KCNQ3: variants seen among roughly 807,000 people sequenced by gnomAD.
KCNQ3 encodes potassium voltage-gated channel subfamily Q member 3.
In KCNQ3, 30 loss-of-function variants were observed where a neutral mutation model predicts 92.5. That is an observed-to-expected ratio of 0.32 (90% CI 0.24 to 0.44). KCNQ3 has a LOEUF of 0.44. Ranked by LOEUF, KCNQ3 falls within the 20% of genes least tolerant of loss-of-function variation. KCNQ3 has a pLI of 1.00. For synonymous variants in KCNQ3, 450 were observed against 468.8 expected (o/e 0.96, Z 0.52); for missense variants, 913 against 1,140.3 (o/e 0.80, Z 2.87).
chr8:132,162,141 C>G (rs1199097055), intron 9 of KCNQ3, among the ~76,000 whole-genome samples: 2 of 152,180 alleles, frequency 1.3e-5, no homozygotes, highest in Non-Finnish European at 2.9e-5. Context: ...AGCCCCTTTT[C>G]TAGGGAGGCA....
At chr8:132,363,693 C>T (rs1428665535) in intron 1 of KCNQ3, among the ~76,000 whole-genome samples, 1 of 151,810 alleles carries the variant, frequency 6.6e-6, no homozygotes, top group Non-Finnish European at 1.5e-5. Flanking sequence ...ACAGACTTAG[C>T]CTAGGGCCTG....
intron 1 of KCNQ3, among the ~76,000 whole-genome samples, chr8:132,368,851 A>G (rs571975933): frequency 6.6e-6 from 1 of 152,204 alleles, no homozygotes; most frequent in African/African-American, 2.4e-5. Flanking sequence ...ACCATGGTAC[A>G]TTTGCACAGC....
At chr8:132,183,327 T>A (rs1285252174) in intron 3 of KCNQ3, among the ~76,000 whole-genome samples, 2 of 151,312 alleles carry the variant, frequency 1.3e-5, no homozygotes, top group Non-Finnish European at 2.9e-5. Context: ...GTCAGAGGAG[T>A]TAAAATGAGA....
intron 1 of KCNQ3, among the ~76,000 whole-genome samples, chr8:132,296,959 C>T (rs1173501493): frequency 4.6e-5 from 7 of 152,034 alleles, no homozygotes; most frequent in Non-Finnish European, 8.8e-5. Context: ...ACTGAGGAAT[C>T]GCCACACTGA....
chr8:132,460,099 C>T (rs1822029266), intron 1 of KCNQ3, among the ~76,000 whole-genome samples: 1 of 151,964 alleles, frequency 6.6e-6, no homozygotes, highest in Non-Finnish European at 1.5e-5. Context: ...TATAAGATGC[C>T]CTTGGCTCAC....
At chr8:132,331,717 A>G (rs933306927) in intron 1 of KCNQ3, among the ~76,000 whole-genome samples, 3 of 152,274 alleles carry the variant, frequency 2.0e-5, no homozygotes, top group African/African-American at 7.2e-5. Context: ...GTATAATGGG[A>G]TATAAATAAG....
chr8:132,333,240 G>A (rs1410421865), intron 1 of KCNQ3, among the ~76,000 whole-genome samples: 1 of 152,146 alleles, frequency 6.6e-6, no homozygotes, highest in African/African-American at 2.4e-5. Flanking sequence ...ACCCCTCTAA[G>A]TCCTGCAGGT....
intron 1 of KCNQ3, among the ~76,000 whole-genome samples, chr8:132,381,029 G>C (rs1369422788): frequency 1.3e-5 from 2 of 151,678 alleles, no homozygotes; most frequent in Non-Finnish European, 2.9e-5. Flanking sequence ...AGAGCAAAGG[G>C]AAAATGGGCA....
intron 1 of KCNQ3, among the ~76,000 whole-genome samples, chr8:132,400,113 A>T (rs1820295965): frequency 6.6e-6 from 1 of 152,206 alleles, no homozygotes; most frequent in Non-Finnish European, 1.5e-5. Flanking sequence ...TCAGGTGAAG[A>T]GCTGCATGTT....
chr8:132,384,187 A>G (rs1819833606), intron 1 of KCNQ3, among the ~76,000 whole-genome samples: 1 of 151,844 alleles, frequency 6.6e-6, no homozygotes, highest in South Asian at 2.1e-4. Context: ...TCACCCCACA[A>G]CACTGCATTT....
intron 1 of KCNQ3, among the ~76,000 whole-genome samples, chr8:132,309,989 A>G (rs142896263): frequency 7.5e-4 from 114 of 152,324 alleles, no homozygotes; most frequent in Non-Finnish European, 1.4e-3. Context: ...TTCCACTTCA[A>G]TCCAATTACA....
At chr8:132,335,686 A>G (rs958555557) in intron 1 of KCNQ3, among the ~76,000 whole-genome samples, 14 of 152,282 alleles carry the variant, frequency 9.2e-5, no homozygotes, top group African/African-American at 3.1e-4. Context: ...AATCAGAGAA[A>G]CCATTCAAGA....
chr8:132,166,277 A>G (rs975334099), intron 8 of KCNQ3, among the ~76,000 whole-genome samples: 1 of 152,216 alleles, frequency 6.6e-6, no homozygotes, highest in Non-Finnish European at 1.5e-5. Flanking sequence ...CGGTGCAGCT[A>G]TAGAAAATGA....
chr8:132,381,220 C>T (rs1303355510), intron 1 of KCNQ3, among the ~76,000 whole-genome samples: 5 of 152,140 alleles, frequency 3.3e-5, no homozygotes, highest in Admixed American at 6.5e-5. Flanking sequence ...AGCTGAATAG[C>T]GGCAGTGTTA....
chr8:132,183,702 C>T (rs1826866343), intron 3 of KCNQ3, among the ~76,000 whole-genome samples: 1 of 152,196 alleles, frequency 6.6e-6, no homozygotes, highest in Admixed American at 6.5e-5. Flanking sequence ...GATTAAGAAG[C>T]AAGACCACAC....
In KCNQ3 at chr8:132,357,007, T is replaced by TAACAACAACAACAAC. The variant is rs111426424; in HGVS notation, c.386+123125_386+123139dup. 3.2e-3 allele frequency among the ~76,000 whole-genome samples: 480 copies of TAACAACAACAACAAC among 150,446 alleles called. 2 individuals are homozygous for TAACAACAACAACAAC. Among genetic ancestry groups the TAACAACAACAACAAC allele is most frequent in the African/African-American group, 0.01 (410 of 40,740 alleles). ...TATAGTAAATCTAAAACTATTTTAT[T>TAACAACAACAACAAC]AACAACAACAACAACAACAACAACA... is the stretch of plus-strand genomic sequence containing the variant. On this transcript the variant is annotated intron_variant, in intron 1 of 14. Transcript: ENST00000388996.
chr8:132,297,795 G>A (rs978016859), intron 1 of KCNQ3, among the ~76,000 whole-genome samples: 1 of 117,304 alleles, frequency 8.5e-6, no homozygotes, highest in Non-Finnish European at 1.9e-5. Flanking sequence ...CAGACTCCCC[G>A]GCTCCTAAAG....
chr8:132,354,712 C>T (rs1203155438), intron 1 of KCNQ3, among the ~76,000 whole-genome samples: 2 of 152,240 alleles, frequency 1.3e-5, no homozygotes, highest in Admixed American at 6.5e-5. Context: ...CGTGAGATGA[C>T]AGCTTGGTCT....
At chr8:132,457,670 C>T (rs147856016) in intron 1 of KCNQ3, among the ~76,000 whole-genome samples, 2 of 152,304 alleles carry the variant, frequency 1.3e-5, no homozygotes, top group Non-Finnish European at 2.9e-5. Flanking sequence ...TCCCAGCAGT[C>T]CATCTGTATT....
Sources: allele counts gnomAD v4.1 joint callset (sites outside exome capture counted in the v4.1 genomes callset), GRCh38; gene constraint gnomAD v4.1.1; transcripts MANE v1.5; gene names NCBI Gene and HGNC (gene_info 2026-07-23, HGNC 2026-07-21).